IDO2: variants seen among roughly 807,000 people sequenced by gnomAD.
IDO2 encodes indoleamine 2,3-dioxygenase-like 1 protein.
IDO2 carries 46 observed loss-of-function variants against 45.1 expected under a neutral mutation model. The ratio of observed to expected loss-of-function variants is 1.02; its 90% CI spans 0.80 to 1.30. The LOEUF (loss-of-function observed/expected upper bound fraction) is 1.30. IDO2 is among the 50% of genes most tolerant of loss of function. The pLI, the probability that IDO2 is intolerant of heterozygous loss-of-function variation, is 0.00. For synonymous variants in IDO2, 218 were observed against 184.9 expected (o/e 1.18, Z -1.45); for missense variants, 544 against 491.8 (o/e 1.11, Z -1.00).
At chr8:39,994,346 G>A (rs548768431) in intron 8 of IDO2, among the ~76,000 whole-genome samples, 11 of 151,232 alleles carry the variant, frequency 7.3e-5, no homozygotes, top group Non-Finnish European at 1.3e-4. Context: ...CAACCTCTGC[G>A]TCCCAGGTTT....
At chr8:39,965,780 G>A (rs1203529408) in intron 3 of IDO2, among the ~76,000 whole-genome samples, 1 of 152,106 alleles carries the variant, frequency 6.6e-6, no homozygotes, top group Non-Finnish European at 1.5e-5. Context: ...GACAAGCCAA[G>A]ATGTGCCAAG....
At chr8:39,942,757 A>G (rs1267945272) in intron 1 of IDO2, among the ~76,000 whole-genome samples, 1 of 152,250 alleles carries the variant, frequency 6.6e-6, no homozygotes, top group East Asian at 1.9e-4. Context: ...TTTCATTCCC[A>G]TAAATCTTGG....
intron 3 of IDO2, among the ~76,000 whole-genome samples, chr8:39,976,204 T>A (rs1808257712): frequency 6.6e-6 from 1 of 152,184 alleles, no homozygotes; most frequent in Admixed American, 6.5e-5. Flanking sequence ...CTCAAACTCC[T>A]GACCTCAAGT....
At chr8:39,963,906 C>T (rs1376600000) in intron 3 of IDO2, among the ~76,000 whole-genome samples, 2 of 152,138 alleles carry the variant, frequency 1.3e-5, no homozygotes. Flanking sequence ...TTTTCAGAGC[C>T]AGCACAAAAC....
chr8:39,963,846 T>C, intron 3 of IDO2, 143 bp downstream of exon 3: 1 of 559,000 alleles, frequency 1.8e-6, no homozygotes, highest in Non-Finnish European at 3.2e-6. Flanking sequence ...TCTTCCTTCC[T>C]GAAAAACAGA....
At chr8:40,000,341 C>A (rs907749104) in intron 8 of IDO2, among the ~76,000 whole-genome samples, 2 of 151,030 alleles carry the variant, frequency 1.3e-5, no homozygotes, top group Admixed American at 6.6e-5. Context: ...ACCCAGGAGG[C>A]GGAGGTTGCA....
At chr8:40,001,775 A>G (rs910882927) in intron 8 of IDO2, among the ~76,000 whole-genome samples, 5 of 152,058 alleles carry the variant, frequency 3.3e-5, no homozygotes, top group African/African-American at 9.7e-5. Context: ...TCCCATCATC[A>G]TAAGTCATAA....
chr8:39,986,323 T>G (rs1409445341), intron 6 of IDO2: 1 of 152,236 alleles, frequency 6.6e-6, no homozygotes, highest in Admixed American at 6.6e-5. Context: ...TCTGATCCAG[T>G]GTTGCCTCTC....
chr8:39,978,861 A>C (rs994224754), intron 3 of IDO2, among the ~76,000 whole-genome samples: 7 of 152,238 alleles, frequency 4.6e-5, no homozygotes, highest in Middle Eastern at 3.4e-3. Context: ...CTTCCTGAGC[A>C]AAGTCGTGTG....
chr8:39,996,337 T>A (rs1214149406), intron 8 of IDO2, among the ~76,000 whole-genome samples: 1 of 152,216 alleles, frequency 6.6e-6, no homozygotes, highest in African/African-American at 2.4e-5. Context: ...ACTAAAAGTC[T>A]TTGAAATGCA....
chr8:39,979,096 G>A (rs757216391), exon 4 of IDO2: 9 of 1,597,242 alleles, frequency 5.6e-6, no homozygotes, highest in Non-Finnish European at 7.7e-6. Flanking sequence ...AGTTCCTGAA[G>A]GGTCACCGGG....
In IDO2 at chr8:39,989,851, C is replaced by T. The variant is rs376722472; in HGVS notation, c.667+13C>T. 42 of 1,546,936 alleles carry T rather than the reference C, an allele frequency of 2.7e-5. No individual in the cohort carries two copies. The highest frequency in any genetic ancestry group is 5.4e-5 in the African/African-American group (4 of 73,440). On this transcript the variant is annotated intron_variant, in intron 8 of 10. Transcript: ENST00000502986. Reference sequence around the variant, plus strand: ...GGACAGATGCATGGTAAGATGCTTCCGAAGCTCCTGAAGGATCCCCCAGGG... The same window carrying T: ...GGACAGATGCATGGTAAGATGCTTCTGAAGCTCCTGAAGGATCCCCCAGGG...
At chr8:39,947,987 A>G (rs1241309772) in intron 1 of IDO2, among the ~76,000 whole-genome samples, 1 of 152,054 alleles carries the variant, frequency 6.6e-6, no homozygotes, top group Non-Finnish European at 1.5e-5. Flanking sequence ...GGGTTTCTCC[A>G]TGATGAGGCT....
chr8:39,944,128 A>C (rs1470595252), intron 1 of IDO2, among the ~76,000 whole-genome samples: 2 of 152,176 alleles, frequency 1.3e-5, no homozygotes, highest in Non-Finnish European at 2.9e-5. Flanking sequence ...AAAGGGAGGA[A>C]GGAGAGATGT....
At chr8:39,995,290 T>TCTTCTTCTTCTTC (rs1174801048) in intron 8 of IDO2, 2 of 138,302 alleles carry the variant, frequency 1.4e-5, no homozygotes, top group African/African-American at 3.0e-5. Flanking sequence ...TTCTTCTTCT[T>TCTTCTTCTTCTTC]TTTTTTTTGA....
rs1332021200 is a variant in IDO2 at position 39,982,708 on chromosome 8, C to T, written c.372C>T (p.Leu124=). ...TCGAAGTCTCCAGGAACTTGGGGCT[C>T]CCTCCTATCCTGGTCCACTCAGACT... is the stretch of plus-strand genomic sequence containing the variant. Residue 124 remains leucine (L), a synonymous_variant, in exon 5 of 11, where the codon CTC becomes CTT. Transcript: ENST00000502986. 2.5e-6 allele frequency: 4 copies of T among 1,611,274 alleles called. No homozygotes were observed. The South Asian group carries it at 3.3e-5, about 13-fold the overall frequency.
At chr8:39,981,020 G>A (rs1808341486) in intron 4 of IDO2, among the ~76,000 whole-genome samples, 1 of 149,020 alleles carries the variant, frequency 6.7e-6, no homozygotes, top group South Asian at 2.1e-4. Flanking sequence ...CCAAAGTGCT[G>A]TGATTACAGG....
At chr8:39,943,012 A>G (rs1175753150) in intron 1 of IDO2, among the ~76,000 whole-genome samples, 1 of 152,212 alleles carries the variant, frequency 6.6e-6, no homozygotes, top group Non-Finnish European at 1.5e-5. Context: ...TAGGAGGCAT[A>G]AGATGCTGAA....
chr8:39,968,818 G>A (rs1313847747), intron 3 of IDO2, among the ~76,000 whole-genome samples: 1 of 150,786 alleles, frequency 6.6e-6, no homozygotes, highest in Non-Finnish European at 1.5e-5. Flanking sequence ...CATGGCACAT[G>A]TATACATATG....
Sources: allele counts gnomAD v4.1 joint callset (sites outside exome capture counted in the v4.1 genomes callset), GRCh38; gene constraint gnomAD v4.1.1; transcripts MANE v1.5; gene names NCBI Gene and HGNC (gene_info 2026-07-23, HGNC 2026-07-21).